The following NKTR variants were observed in gnomAD, a reference collection of about 807,000 sequenced individuals.
The protein encoded by NKTR is NK-tumor recognition protein.
A neutral mutation model predicts 156.3 loss-of-function variants in NKTR; 67 were observed. That is an observed-to-expected ratio of 0.43 (90% confidence interval 0.35 to 0.53). The LOEUF (loss-of-function observed/expected upper bound fraction) is 0.53, where lower values mean the gene tolerates loss of function less well. NKTR is among the 20% of genes least tolerant of loss of function. NKTR has a pLI of 0.01. For synonymous variants in NKTR, 640 were observed against 596.6 expected, an observed-to-expected ratio of 1.07 and a Z score of -1.06; for missense variants, 1,604 against 1,730.9, an observed-to-expected ratio of 0.93 and a Z score of 1.30.
At chr3:42,635,515 A>C (rs1709317500) in intron 12 of NKTR, 149 bp downstream of exon 12, 5 of 590,896 alleles carry the variant, frequency 8.5e-6, no homozygotes, top group Non-Finnish European at 1.4e-5. Context: ...GGACTACTTG[A>C]TGAAAGTAGT....
At chr3:42,629,954 T>C (rs1259630885) in intron 6 of NKTR, 2 of 985,300 alleles carry the variant, frequency 2.0e-6, no homozygotes, top group Non-Finnish European at 1.2e-6. Context: ...TTTCTCCCTA[T>C]CGCATTTTCA....
rs1434102970 is a variant in NKTR at position 42,647,605 on chromosome 3, A to G, written c.*1630A>G. 1.3e-5 allele frequency: 2 copies of G among 152,188 alleles called. No individual in the cohort carries two copies. Among genetic ancestry groups the G allele is most frequent in the Admixed American group, 6.5e-5 (1 of 15,284 alleles). The allele number at this position is 152,188 out of a possible 1,614,324, so 9.4% of individuals were successfully genotyped here. On this transcript the variant is annotated 3_prime_UTR_variant, in exon 17 of 17. Transcript: ENST00000232978. ...TGCCAGGTCAATAGACAGAAAGTACATTAGAAAACAGGACTTAGGCCAAAC... is the reference window on the plus strand; with the variant it reads ...TGCCAGGTCAATAGACAGAAAGTACGTTAGAAAACAGGACTTAGGCCAAAC...
intron 5 of NKTR, chr3:42,621,046 G>T (rs1707857106): frequency 1.0e-6 from 1 of 982,424 alleles, no homozygotes; most frequent in African/African-American, 1.7e-5. Flanking sequence ...CTTCTTCCAT[G>T]TATAGCACAT....
intron 2 of NKTR, among the ~76,000 whole-genome samples, chr3:42,615,200 T>C (rs888012208): frequency 6.6e-6 from 1 of 151,878 alleles, no homozygotes; most frequent in African/African-American, 2.4e-5. Context: ...TGCCTCAGCC[T>C]CCCGAGTAGC....
At chr3:42,600,659 C>T, upstream of NKTR, 1 of 188,422 alleles carries the variant, frequency 5.3e-6, no homozygotes, top group Non-Finnish European at 1.1e-5. Context: ...TTTAGCGTGG[C>T]ATTGGGAGGC....
intron 2 of NKTR, among the ~76,000 whole-genome samples, chr3:42,607,969 CTTTTTTTTTTTTTTTTTTTTTTTT>C (rs201803926): frequency 8.5e-4 from 64 of 74,966 alleles, no homozygotes; most frequent in Non-Finnish European, 1.4e-3. Context: ...CTGAGTCGCT[CTTTTTTTTTTTTTTTTTTTTTTTT>C]TTTTTTTTTT....
At chr3:42,629,856 G>C (rs935301797) in intron 6 of NKTR, 4 of 985,246 alleles carry the variant, frequency 4.1e-6, no homozygotes, top group Non-Finnish European at 4.8e-6. Context: ...AAGCTGGTTG[G>C]GTGTTTTCTG....
intron 16 of NKTR, among the ~76,000 whole-genome samples, chr3:42,645,487 C>T (rs1222546690): frequency 6.6e-6 from 1 of 152,082 alleles, no homozygotes. Context: ...GAGTTGAAGA[C>T]CAGCCTGGCC....
intron 10 of NKTR, 65 bp downstream of exon 10, chr3:42,633,800 C>T: frequency 6.4e-7 from 1 of 1,561,466 alleles, no homozygotes; most frequent in Non-Finnish European, 8.8e-7. Context: ...CAGCTCATTG[C>T]ATTCCACACT....
At chr3:42,613,726 A>T (rs886680083) in intron 2 of NKTR, among the ~76,000 whole-genome samples, 13 of 152,210 alleles carry the variant, frequency 8.5e-5, no homozygotes, top group Admixed American at 1.3e-4. Flanking sequence ...CTACACCATG[A>T]CATAGACTTT....
intron 6 of NKTR, among the ~76,000 whole-genome samples, chr3:42,622,443 T>C (rs1183532645): frequency 1.3e-5 from 2 of 152,064 alleles, no homozygotes; most frequent in East Asian, 1.9e-4. Context: ...GTCATCTTTC[T>C]GAATGAATGA....
In NKTR at chr3:42,646,853, G is replaced by C. The variant is rs2125831154; in HGVS notation, c.*878G>C. The C allele has an allele frequency of 6.6e-6, 1 of 152,596 alleles. No individual in the cohort carries two copies. Among genetic ancestry groups the C allele is most frequent in the Admixed American group, 6.5e-5 (1 of 15,294 alleles). The allele number at this position is 152,596 out of a possible 1,614,324, so 9.5% of individuals were successfully genotyped here. ...GTTTATTCTGAGCTGTCTTCACTTT[G>C]ACTATTTGGGGGGCTTCTCTCAAGT... On this transcript the variant is annotated 3_prime_UTR_variant, in exon 17 of 17. Coordinates refer to ENST00000232978, the MANE Select transcript of NKTR (RefSeq NM_005385.4).
At chr3:42,602,979 T>C (rs1705703127) in intron 2 of NKTR, 1 of 150,580 alleles carries the variant, frequency 6.6e-6, no homozygotes, top group Admixed American at 6.6e-5. Flanking sequence ...TGAGTAGAGA[T>C]TATACCACTG....
rs764957013 is a variant in NKTR, at chr3:42,639,456, T to G, written c.3752T>G (p.Leu1251Trp). The G allele has an allele frequency of 6.2e-7, 1 of 1,614,104 alleles. No individual in the cohort carries two copies. The highest frequency in any genetic ancestry group is 1.3e-5 in the African/African-American group (1 of 74,932). The change falls in exon 13 of 17, where the codon TTG becomes TGG. Residue 1251 changes from leucine to tryptophan, a missense_variant. Transcript: ENST00000232978. ...ATSSAVEVKV[L>W]TTVPEMKPQG... ...TCCAGTGCTGTGGAAGTTAAGGTGT[T>G]GACCACTGTGCCTGAAATGAAACCA...
intron 10 of NKTR, among the ~76,000 whole-genome samples, chr3:42,634,121 T>A (rs1709169096): frequency 6.6e-6 from 1 of 152,188 alleles, no homozygotes; most frequent in Admixed American, 6.5e-5. Context: ...GAAGCATGGG[T>A]TCCAATTTGA....
chr3:42,629,207 A>T (rs765585870), intron 6 of NKTR: 1 of 984,696 alleles, frequency 1.0e-6, no homozygotes, highest in Non-Finnish European at 1.2e-6. Flanking sequence ...AATTCACTAG[A>T]TAGTTTTTGT....
chr3:42,603,816 A>G (rs1198209280), intron 2 of NKTR, among the ~76,000 whole-genome samples: 4 of 149,826 alleles, frequency 2.7e-5, no homozygotes, highest in Admixed American at 6.7e-5. Flanking sequence ...GCTCAGTGCA[A>G]CCTCCGCCTC....
At chr3:42,622,756 A>C (rs1286475205) in intron 6 of NKTR, among the ~76,000 whole-genome samples, 1 of 152,060 alleles carries the variant, frequency 6.6e-6, no homozygotes, top group African/African-American at 2.4e-5. Flanking sequence ...GAGTAGAAAG[A>C]AATATTTTCA....
chr3:42,627,765 G>T, intron 6 of NKTR: 2 of 982,696 alleles, frequency 2.0e-6, no homozygotes, highest in Non-Finnish European at 1.2e-6. Context: ...TCTTTTTTAG[G>T]TATGTTTTCA....
Sources: gnomAD v4.1 joint callset for allele counts (sites outside exome capture counted in the v4.1 genomes callset) on GRCh38, gnomAD v4.1.1 for gene constraint, MANE v1.5 for transcripts, NCBI Gene and HGNC (gene_info 2026-07-23, HGNC 2026-07-21) for gene names.